KDM4B: variants seen among roughly 807,000 people sequenced by gnomAD.
The protein encoded by KDM4B is lysine demethylase 4B.
In KDM4B, 32 loss-of-function variants were observed where a neutral mutation model predicts 125.2. The ratio of observed to expected loss-of-function variants is 0.26; its 90% confidence interval spans 0.19 to 0.34. The LOEUF is 0.34. Among genes scored for constraint, KDM4B ranks in the 10% least tolerant of loss-of-function variants. The pLI, the probability that KDM4B is intolerant of heterozygous loss-of-function variation, is 1.00. For missense variants in KDM4B, 1,190 were observed against 1,577.7 expected, an observed-to-expected ratio of 0.75 and a Z score of 4.16; for synonymous variants, 721 against 677.9, an observed-to-expected ratio of 1.06 and a Z score of -0.99.
At chr19:4,974,271 C>T (rs1183593225) in intron 1 of KDM4B, among the ~76,000 whole-genome samples, 7 of 149,850 alleles carry the variant, frequency 4.7e-5, no homozygotes, top group African/African-American at 1.7e-4. Context: ...TGGTGGTGGC[C>T]GGTGCCTGTA....
Position 5,035,044 on chromosome 19 carries a change from G to GTGGGGGCTGCTGTCCGGTGGGGTCTGT in KDM4B, c.141+2013_141+2014insTGGGGGCTGCTGTCCGGTGGGGTCTGT, listed in dbSNP as rs2036575213. On this transcript the variant is annotated intron_variant, in intron 3 of 22. Coordinates refer to ENST00000159111, the MANE Select transcript of KDM4B (RefSeq NM_015015.3). The surrounding 1 kb of genome is among the most constrained non-coding windows in gnomAD (Gnocchi z 5.3). Reference sequence around the variant, plus strand: ...GGGAATGATGGCACATCTGTGTCCGGGTCAGAACGGTGGGGGCTGCTGCCG... The same window carrying GTGGGGGCTGCTGTCCGGTGGGGTCTGT: ...GGGAATGATGGCACATCTGTGTCCGGTGGGGGCTGCTGTCCGGTGGGGTCTGTGTCAGAACGGTGGGGGCTGCTGCCG... 6.6e-6 allele frequency among the ~76,000 whole-genome samples: 1 copy of GTGGGGGCTGCTGTCCGGTGGGGTCTGT among 152,164 alleles called. No individual in the cohort carries two copies. The highest frequency in any genetic ancestry group is 1.5e-5 in the Non-Finnish European group (1 of 68,034).
intron 11 of KDM4B, among the ~76,000 whole-genome samples, chr19:5,127,415 T>C (rs1429375698): frequency 6.6e-6 from 1 of 152,186 alleles, no homozygotes; most frequent in Non-Finnish European, 1.5e-5. Flanking sequence ...CCTGTGTGTC[T>C]GCCCGGGCTT....
Position 5,133,893 on chromosome 19 carries a change from T to C in KDM4B, c.1917T>C (p.Pro639=), listed in dbSNP as rs973055903. Residue 639 remains proline, a synonymous_variant, in exon 14 of 23, where the codon CCT becomes CCC. Coordinates refer to ENST00000159111, the MANE Select transcript of KDM4B (RefSeq NM_015015.3). ...CCTCTGTTCTTCTAGAGGCATCCCC[T>C]TTCTCCGGGGAGGAAGATGTGAGTG... ...QEASSDEEAS[P]FSGEEDVSDP... is the part of the protein sequence containing the mutation. 6 of 1,612,970 alleles carry C rather than the reference T, an allele frequency of 3.7e-6. No homozygotes were observed. Among genetic ancestry groups the C allele is most frequent in the Non-Finnish European group, 5.1e-6 (6 of 1,179,856 alleles).
chr19:5,151,367 C>A lies in KDM4B; in HGVS notation c.3147C>A (p.Ala1049=), dbSNP rs2039944464. The A allele has an allele frequency of 3.2e-6, 5 of 1,586,044 alleles. No individual in the cohort carries two copies. In the African/African-American group the frequency reaches 5.5e-5, roughly 17 times the overall value. ...SLSTGAPQEP[A]FSGEEAKAAK... is the part of the protein sequence containing the mutation. ...GCACGGGGGCACCGCAGGAGCCCGC[C>A]TTCTCGGGGGAGGAGGCCAAGGCCG... is the stretch of plus-strand genomic sequence containing the variant. The change falls in exon 23 of 23, where the codon GCC becomes GCA. Residue 1049 remains alanine (A), a synonymous_variant. Transcript: ENST00000159111.
At chr19:5,132,195 G>A (rs911585606) in intron 13 of KDM4B, among the ~76,000 whole-genome samples, 188 bp downstream of exon 13, 2 of 152,182 alleles carry the variant, frequency 1.3e-5, no homozygotes, top group African/African-American at 4.8e-5. Context: ...GTGCGGGGAG[G>A]CAGCTGCTGT....
chr19:4,993,959 C>A (rs1009953458), intron 1 of KDM4B, among the ~76,000 whole-genome samples: 1 of 149,842 alleles, frequency 6.7e-6, no homozygotes, highest in Non-Finnish European at 1.5e-5. Flanking sequence ...AGTGTAGCCA[C>A]TCCAGCTTTC....
chr19:5,145,536 A>T (rs894636711), intron 21 of KDM4B, among the ~76,000 whole-genome samples: 1 of 151,772 alleles, frequency 6.6e-6, no homozygotes, highest in Non-Finnish European at 1.5e-5. Flanking sequence ...AGCCGAGATC[A>T]CACCACTGCA....
intron 2 of KDM4B, among the ~76,000 whole-genome samples, chr19:5,020,165 ATGTTGGTGTG>A (rs2036063871): frequency 1.6e-5 from 1 of 63,966 alleles, no homozygotes; most frequent in African/African-American, 6.4e-5. Flanking sequence ...GTTGGTGTGG[ATGTTGGTGTG>A]GGTGTTGGTG....
chr19:5,134,930 C>T (rs2039621569), intron 14 of KDM4B, among the ~76,000 whole-genome samples: 1 of 152,258 alleles, frequency 6.6e-6, no homozygotes, highest in African/African-American at 2.4e-5. Flanking sequence ...AGAGAGGCTG[C>T]TGGGAGCCAC....
chr19:5,021,667 C>A (rs894704800), intron 2 of KDM4B, among the ~76,000 whole-genome samples: 2 of 142,516 alleles, frequency 1.4e-5, no homozygotes, highest in Non-Finnish European at 3.0e-5. Flanking sequence ...GAGACAGTCT[C>A]GCTCTGTTGC....
chr19:5,079,592 CG>C (rs2038224958), intron 8 of KDM4B, among the ~76,000 whole-genome samples: 1 of 152,206 alleles, frequency 6.6e-6, no homozygotes, highest in Admixed American at 6.5e-5. Flanking sequence ...GTCTGCCTGA[CG>C]CATGCCTGCA....
intron 2 of KDM4B, among the ~76,000 whole-genome samples, chr19:5,022,317 C>T (rs148987370): frequency 3.9e-5 from 6 of 152,266 alleles, no homozygotes; most frequent in African/African-American, 1.4e-4. Flanking sequence ...TGTGCCTGTC[C>T]TTCCTCACAC....
At chr19:5,063,552 T>A (rs1178070709) in intron 6 of KDM4B, among the ~76,000 whole-genome samples, 1 of 152,192 alleles carries the variant, frequency 6.6e-6, no homozygotes, top group Non-Finnish European at 1.5e-5. Context: ...CTTCAGGGTT[T>A]CTGGTGGGGC....
Position 5,141,082 on chromosome 19 carries a change from G to A in KDM4B, c.2551-2885G>A, listed in dbSNP as rs1020315486. 6 of 152,272 alleles carry A rather than the reference G, an allele frequency of 3.9e-5. No individual in the cohort carries two copies. The highest frequency in any genetic ancestry group is 6.5e-5 in the Admixed American group (1 of 15,290). 9.4% of individuals were successfully genotyped at this position (152,272 alleles called of 1,614,324 possible). On this transcript the variant is annotated intron_variant, in intron 18 of 22. Coordinates refer to ENST00000159111, the MANE Select transcript of KDM4B (RefSeq NM_015015.3). The surrounding 1 kb of genome is among the most constrained non-coding windows in gnomAD (Gnocchi z 6.4). ...GGGACTGATGCCGGCCACAAAGCCC[G>A]GGCTCCCATGCACTGGTGCGAGGTG...
intron 1 of KDM4B, among the ~76,000 whole-genome samples, chr19:4,970,167 G>A (rs930672336): frequency 2.6e-5 from 4 of 152,200 alleles, no homozygotes; most frequent in Non-Finnish European, 5.9e-5. Flanking sequence ...GGGGGACTCT[G>A]TCCACCTGGG....
chr19:4,981,387 C>A (rs1345361479), intron 1 of KDM4B, among the ~76,000 whole-genome samples: 1 of 152,120 alleles, frequency 6.6e-6, no homozygotes, highest in Non-Finnish European at 1.5e-5. Flanking sequence ...TGAGAAGATG[C>A]CAGGGCCTTT....
chr19:5,131,663 A>AGGGGAGCTGGTGGCGGG (rs2039558787), intron 12 of KDM4B, 118 bp downstream of exon 12: 3 of 222,974 alleles, frequency 1.3e-5, no homozygotes, highest in Non-Finnish European at 2.3e-5. Flanking sequence ...AGGAGGGGAC[A>AGGGGAGCTGGTGGCGGG]GGAGGGCTGA....
chr19:4,991,077 C>T (rs372288212), intron 1 of KDM4B, among the ~76,000 whole-genome samples: 12 of 152,132 alleles, frequency 7.9e-5, no homozygotes, highest in African/African-American at 2.2e-4. Flanking sequence ...GAGATTGTGC[C>T]GCTGCACTCC....
chr19:5,130,238 G>A (rs2039518465), intron 11 of KDM4B, among the ~76,000 whole-genome samples: 1 of 152,116 alleles, frequency 6.6e-6, no homozygotes, highest in African/African-American at 2.4e-5. Context: ...CTCTGCCAGA[G>A]TCCCCCATGT....
Sources: allele counts gnomAD v4.1 joint callset (sites outside exome capture counted in the v4.1 genomes callset), GRCh38; gene constraint gnomAD v4.1.1; non-coding constraint Gnocchi (gnomAD v3.1); transcripts MANE v1.5; gene names NCBI Gene and HGNC (gene_info 2026-07-23, HGNC 2026-07-21).